Variants in ZEB1 observed in about 807,000 individuals in gnomAD.
ZEB1 encodes zinc finger E-box binding homeobox 1, also known as zinc finger E-box-binding homeobox 1.
ZEB1 carries 21 observed loss-of-function variants against 84.9 expected under a neutral mutation model. That is an observed-to-expected ratio of 0.25 (90% CI 0.18 to 0.36). ZEB1 has a LOEUF of 0.36. ZEB1 is among the 10% of genes least tolerant of loss of function. ZEB1 has a pLI of 1.00. For synonymous variants in ZEB1, 420 were observed against 471.1 expected (o/e 0.89, Z 1.41); for missense variants, 1,104 against 1,330.2 (o/e 0.83, Z 2.65).
At chr10:31,516,539 T>TAAAAAAAAAAA (rs71027029) in intron 6 of ZEB1, among the ~76,000 whole-genome samples, 2 of 34,072 alleles carry the variant, frequency 5.9e-5, no homozygotes, top group African/African-American at 2.0e-4. Context: ...TGTCTGTAAG[T>TAAAAAAAAAAA]AAAAAAAAAA....
At chr10:31,445,218 TC>T (rs2059601403) in intron 1 of ZEB1, among the ~76,000 whole-genome samples, 1 of 144,670 alleles carries the variant, frequency 6.9e-6, no homozygotes, top group South Asian at 2.1e-4. Context: ...TTTCTGTTTG[TC>T]TGTTGTTGGT....
At chr10:31,330,578 G>A (rs1296436902) in intron 1 of ZEB1, among the ~76,000 whole-genome samples, 3 of 152,086 alleles carry the variant, frequency 2.0e-5, no homozygotes, top group African/African-American at 7.2e-5. Flanking sequence ...CTTTAGATGG[G>A]GAGTTTGTTT....
rs545326346 is a variant in ZEB1 at position 31,426,936 on chromosome 10, C to G, written c.59-34101C>G. On this transcript the variant is annotated intron_variant, in intron 1 of 8. Coordinates refer to ENST00000424869, the MANE Select transcript of ZEB1 (RefSeq NM_001174096.2). Reference sequence around the variant, plus strand: ...TAGATTTTGAATTGTATACCTCTTCCCATGAATATAGAAGACAGCTTTGTA... The same window carrying G: ...TAGATTTTGAATTGTATACCTCTTCGCATGAATATAGAAGACAGCTTTGTA... 2.3e-4 allele frequency among the ~76,000 whole-genome samples: 34 copies of G among 150,578 alleles called. No individual in the cohort carries two copies. In the East Asian group the frequency reaches 6.6e-3, roughly 29 times the overall value.
At chr10:31,479,404 G>A (rs2064741691) in intron 2 of ZEB1, among the ~76,000 whole-genome samples, 1 of 151,826 alleles carries the variant, frequency 6.6e-6, no homozygotes, top group Non-Finnish European at 1.5e-5. Flanking sequence ...AAGTCATTCT[G>A]TAAGACCAGC....
chr10:31,375,254 C>T (rs2046428331), intron 1 of ZEB1, among the ~76,000 whole-genome samples: 2 of 151,832 alleles, frequency 1.3e-5, no homozygotes, highest in South Asian at 4.1e-4. Context: ...TTGAAGATCT[C>T]AACTTAGAGA....
Position 31,527,054 on chromosome 10 carries a change from ATG to A in ZEB1, c.3171_3172del (p.Cys1057Ter). On this transcript the variant is annotated frameshift_variant, in exon 9 of 9. Coordinates refer to ENST00000424869, the MANE Select transcript of ZEB1 (RefSeq NM_001174096.2). LOFTEE classifies it low-confidence loss of function (END_TRUNC). ...TGGAAGAATTGCAGGAAGAAAAAGAATGTGAAAAACCACAAGGGGATGAGGAA... is the reference window on the plus strand; with the variant it reads ...TGGAAGAATTGCAGGAAGAAAAAGAATGAAAAACCACAAGGGGATGAGGAA... ...EMEELQEEKE[C>X]EKPQGDEEEE... 6.3e-7 allele frequency: 1 copy of A among 1,585,020 alleles called. No homozygotes were observed. Among genetic ancestry groups the A allele is most frequent in the Non-Finnish European group, 8.6e-7 (1 of 1,163,612 alleles).
intron 1 of ZEB1, among the ~76,000 whole-genome samples, chr10:31,325,508 A>G (rs1481990228): frequency 6.6e-6 from 1 of 152,064 alleles, no homozygotes; most frequent in Non-Finnish European, 1.5e-5. Flanking sequence ...GACTTGGTAC[A>G]TGGAGGTTGA....
chr10:31,465,988 C>A (rs964329174), intron 2 of ZEB1, among the ~76,000 whole-genome samples: 3 of 152,108 alleles, frequency 2.0e-5, no homozygotes, highest in Non-Finnish European at 4.4e-5. Flanking sequence ...GCCATTTTTA[C>A]ACCAGGCAAA....
intron 1 of ZEB1, among the ~76,000 whole-genome samples, chr10:31,456,606 C>G (rs7896996): frequency 0.12 from 18,659 of 152,004 alleles, 2,931 homozygotes; most frequent in African/African-American, 0.36. Flanking sequence ...CAGTCAGGAG[C>G]CTTTGCACAT....
chr10:31,327,769 C>A (rs1315979975), intron 1 of ZEB1, among the ~76,000 whole-genome samples: 1 of 152,122 alleles, frequency 6.6e-6, no homozygotes, highest in Non-Finnish European at 1.5e-5. Context: ...TTACGCTCAC[C>A]AACAATGTAA....
intron 1 of ZEB1, among the ~76,000 whole-genome samples, chr10:31,420,057 C>A (rs145519055): frequency 6.6e-6 from 1 of 152,080 alleles, no homozygotes; most frequent in African/African-American, 2.4e-5. Context: ...ATGTATACTA[C>A]TAAATTTCTA....
intron 1 of ZEB1, among the ~76,000 whole-genome samples, chr10:31,438,566 G>A (rs1236478683): frequency 2.0e-5 from 3 of 152,190 alleles, no homozygotes; most frequent in Admixed American, 1.3e-4. Flanking sequence ...GCTGGGTGCA[G>A]TGGCACATAC....
At chr10:31,441,402 T>C (rs1229312378) in intron 1 of ZEB1, among the ~76,000 whole-genome samples, 1 of 152,048 alleles carries the variant, frequency 6.6e-6, no homozygotes, top group Non-Finnish European at 1.5e-5. Context: ...ATACAAAAAT[T>C]AATTCAAGAT....
chr10:31,403,418 C>T (rs545777932), intron 1 of ZEB1, among the ~76,000 whole-genome samples: 2 of 151,786 alleles, frequency 1.3e-5, no homozygotes, highest in East Asian at 3.9e-4. Context: ...ATCAGAATCT[C>T]GTGTGCATGT....
At chr10:31,398,095 TTTTG>T (rs1354776327) in intron 1 of ZEB1, among the ~76,000 whole-genome samples, 1 of 152,190 alleles carries the variant, frequency 6.6e-6, no homozygotes, top group African/African-American at 2.4e-5. Flanking sequence ...TGAAAGTAGA[TTTTG>T]TTTTTCATGG....
At chr10:31,397,219 T>C (rs905065005) in intron 1 of ZEB1, among the ~76,000 whole-genome samples, 4 of 148,162 alleles carry the variant, frequency 2.7e-5, no homozygotes, top group Non-Finnish European at 5.9e-5. Context: ...AGTTCTAGGG[T>C]ACATGTGCAC....
intron 1 of ZEB1, among the ~76,000 whole-genome samples, chr10:31,408,893 A>G (rs929790816): frequency 6.7e-6 from 1 of 150,338 alleles, no homozygotes; most frequent in Non-Finnish European, 1.5e-5. Context: ...AAATTGACAA[A>G]TGGGATCTAA....
chr10:31,424,185 C>CCAT (rs2056619532), intron 1 of ZEB1, among the ~76,000 whole-genome samples: 1 of 151,944 alleles, frequency 6.6e-6, no homozygotes, highest in African/African-American at 2.4e-5. Flanking sequence ...TGCATTTATA[C>CCAT]CATCAGCTTT....
chr10:31,385,653 A>G (rs1468460133), intron 1 of ZEB1, among the ~76,000 whole-genome samples: 1 of 151,350 alleles, frequency 6.6e-6, no homozygotes, highest in African/African-American at 2.4e-5. Flanking sequence ...TAGCCCCCCC[A>G]AGTAACTGGG....
Sources: gnomAD v4.1 joint callset for allele counts (sites outside exome capture counted in the v4.1 genomes callset) on GRCh38, gnomAD v4.1.1 for gene constraint, MANE v1.5 for transcripts, NCBI Gene and HGNC (gene_info 2026-07-23, HGNC 2026-07-21) for gene names.